SPACA7: variants seen among roughly 807,000 people sequenced by gnomAD.
The protein encoded by SPACA7 is sperm acrosome-associated protein 7.
A neutral mutation model predicts 26.3 loss-of-function variants in SPACA7; 19 were observed. The observed-to-expected ratio is 0.72, with a 90% CI of 0.50 to 1.06. The LOEUF (loss-of-function observed/expected upper bound fraction) is 1.06, where lower values mean the gene tolerates loss of function less well. SPACA7 is among the 50% of genes least tolerant of loss of function. The probability of loss-of-function intolerance (pLI) is 0.00; values close to 1 mark genes in which losing one functional copy is unlikely to be tolerated. For missense variants in SPACA7, 211 were observed against 229.9 expected (o/e 0.92, Z 0.53); for synonymous variants, 84 against 84.5 (o/e 0.99, Z 0.04).
intron 5 of SPACA7, among the ~76,000 whole-genome samples, chr13:112,412,438 T>C (rs1886410697): frequency 6.6e-6 from 1 of 152,210 alleles, no homozygotes; most frequent in Admixed American, 6.5e-5. Flanking sequence ...TCATTAGTTG[T>C]GTAGGAGCTT....
At chr13:112,397,081 A>G (rs1011358651) in intron 2 of SPACA7, among the ~76,000 whole-genome samples, 4 of 152,256 alleles carry the variant, frequency 2.6e-5, no homozygotes, top group Admixed American at 1.3e-4. Flanking sequence ...AAAGAGGGAC[A>G]GCGCGGCTGC....
chr13:112,403,226 G>T (rs2138968951), intron 5 of SPACA7, among the ~76,000 whole-genome samples: 1 of 152,230 alleles, frequency 6.6e-6, no homozygotes, highest in African/African-American at 2.4e-5. Flanking sequence ...TCCCTAGGAA[G>T]TTATCCACTT....
intron 1 of SPACA7, chr13:112,382,404 A>C: frequency 6.5e-7 from 1 of 1,545,414 alleles, no homozygotes; most frequent in South Asian, 1.2e-5. Flanking sequence ...GGCCAATAAC[A>C]CCTTAATCTT....
chr13:112,377,746 C>T (rs1183169139), intron 1 of SPACA7, among the ~76,000 whole-genome samples: 1 of 152,202 alleles, frequency 6.6e-6, no homozygotes, highest in African/African-American at 2.4e-5. Flanking sequence ...CTCATTCCCT[C>T]CTCTTGTTCA....
chr13:112,434,353 G>A lies in SPACA7; in HGVS notation c.524-132G>A, dbSNP rs577552133. On this transcript the variant is annotated intron_variant, in intron 6 of 6. Coordinates refer to ENST00000283550, the MANE Select transcript of SPACA7 (RefSeq NM_145248.5). The stretch of plus-strand genomic sequence containing the variant: ...CGGTCCTCCTGCCCCAGACACATCC[G>A]CAGGGCTCTCCCCTCCCTCCACAAC... The A allele has an allele frequency of 4.4e-5, 33 of 746,272 alleles. No homozygotes were observed. The Middle Eastern group carries it at 8.7e-4, about 20-fold the overall frequency. The allele number at this position is 746,272 out of a possible 1,614,324, so 46.2% of individuals were successfully genotyped here.
chr13:112,400,796 T>A (rs1250501364), intron 4 of SPACA7, among the ~76,000 whole-genome samples: 1 of 152,174 alleles, frequency 6.6e-6, no homozygotes, highest in African/African-American at 2.4e-5. Flanking sequence ...AGCACAGGTA[T>A]TTTCATATTG....
chr13:112,396,971 G>T (rs1885309779), intron 2 of SPACA7, among the ~76,000 whole-genome samples: 1 of 152,184 alleles, frequency 6.6e-6, no homozygotes, highest in Non-Finnish European at 1.5e-5. Flanking sequence ...ATTCCTCGCA[G>T]AGCTGGTAGA....
At chr13:112,376,588 T>TC in intron 1 of SPACA7, 109 bp downstream of exon 1, 1 of 1,194,286 alleles carries the variant, frequency 8.4e-7, no homozygotes, top group Non-Finnish European at 1.2e-6. Flanking sequence ...GAATTTACCA[T>TC]TTATTCCTTG....
chr13:112,413,547 C>T (rs550166715), intron 5 of SPACA7, among the ~76,000 whole-genome samples: 10 of 152,122 alleles, frequency 6.6e-5, no homozygotes, highest in East Asian at 3.9e-4. Flanking sequence ...CTTGATTATT[C>T]GATAAATTGG....
chr13:112,412,713 A>G (rs944629860), intron 5 of SPACA7, among the ~76,000 whole-genome samples: 7 of 152,116 alleles, frequency 4.6e-5, no homozygotes, highest in Non-Finnish European at 8.8e-5. Context: ...AAAGGAGACT[A>G]TCCTTTTTCA....
intron 5 of SPACA7, among the ~76,000 whole-genome samples, chr13:112,403,323 C>T (rs567435867): frequency 6.6e-6 from 1 of 152,086 alleles, no homozygotes; most frequent in African/African-American, 2.4e-5. Context: ...TTGTTATTTC[C>T]CCTTTATGAT....
chr13:112,414,471 C>T (rs532043661), intron 5 of SPACA7, among the ~76,000 whole-genome samples: 13 of 120,738 alleles, frequency 1.1e-4, no homozygotes, highest in East Asian at 2.9e-4. Flanking sequence ...AGTGCAATGG[C>T]GTGATCTCAG....
chr13:112,418,267 T>A (rs1594314321), intron 5 of SPACA7, among the ~76,000 whole-genome samples: 1 of 152,294 alleles, frequency 6.6e-6, no homozygotes, highest in South Asian at 2.1e-4. Context: ...AAGTTACAGA[T>A]CTAATTGCAG....
In SPACA7 at chr13:112,383,457, CTTGA is replaced by C. The variant is rs543430002; in HGVS notation, c.94+6981_94+6984del. Among the ~76,000 whole-genome samples the C allele has an allele frequency of 3.9e-5, 6 of 152,268 alleles. No individual in the cohort carries two copies. The South Asian group carries it at 8.3e-4, about 21-fold the overall frequency. ...TAAACTTTACTCTTATAGTACTTGG[CTTGA>C]TTATTTGCATGAAGTACAACTAGAA... On this transcript the variant is annotated intron_variant, in intron 1 of 6. Coordinates refer to ENST00000283550, the MANE Select transcript of SPACA7 (RefSeq NM_145248.5).
intron 5 of SPACA7, among the ~76,000 whole-genome samples, chr13:112,420,953 C>A (rs1441980342): frequency 6.6e-6 from 1 of 151,988 alleles, no homozygotes; most frequent in Non-Finnish European, 1.5e-5. Context: ...AAAAAATTGC[C>A]ATCCCAGAAT....
Position 112,393,120 on chromosome 13 carries a change from A to G in SPACA7, c.151+43A>G, listed in dbSNP as rs201572507. The G allele has an allele frequency of 7.7e-5, 117 of 1,524,432 alleles. No homozygotes were observed. The East Asian group carries it at 2.5e-3, about 33-fold the overall frequency. 94.4% of individuals were successfully genotyped at this position (1,524,432 alleles called of 1,614,324 possible). On this transcript the variant is annotated intron_variant, in intron 2 of 6. Coordinates refer to ENST00000283550, the MANE Select transcript of SPACA7 (RefSeq NM_145248.5). ...ATCAACCTCTGGCCTGTACGTGAAGAGGGCTGGATGGTTGTCTGTGGCTGT... is the reference window on the plus strand; with the variant it reads ...ATCAACCTCTGGCCTGTACGTGAAGGGGGCTGGATGGTTGTCTGTGGCTGT...
At chr13:112,379,664 C>T (rs956463577) in intron 1 of SPACA7, among the ~76,000 whole-genome samples, 8 of 152,094 alleles carry the variant, frequency 5.3e-5, no homozygotes, top group East Asian at 3.8e-4. Context: ...ATGCTTTTTA[C>T]GAATTTAATG....
chr13:112,415,480 T>G (rs983932432), intron 5 of SPACA7, among the ~76,000 whole-genome samples: 1 of 152,096 alleles, frequency 6.6e-6, no homozygotes. Context: ...TGTCTGGAAG[T>G]AATAGCCTGG....
At position 112,382,638 on chromosome 13, in the gene SPACA7, AT is replaced by A; in HGVS notation, c.94+6160del. On this transcript the variant is annotated intron_variant, in intron 1 of 6. Coordinates refer to ENST00000283550, the MANE Select transcript of SPACA7 (RefSeq NM_145248.5). ...TTAGTACAGTATTTAAGTAAACAGCATACTATAGGTAAATAATGAGTCCTAG... is the reference window on the plus strand; with the variant it reads ...TTAGTACAGTATTTAAGTAAACAGCAACTATAGGTAAATAATGAGTCCTAG... 5 of 1,224,896 alleles carry A rather than the reference AT, an allele frequency of 4.1e-6. No homozygotes were observed. In the South Asian group the frequency reaches 8.7e-5, roughly 21 times the overall value. The allele number at this position is 1,224,896 out of a possible 1,614,324, so 75.9% of individuals were successfully genotyped here. A position where few individuals can be genotyped will look rare whatever the true frequency, so the allele number is the denominator to read the frequency against.
Sources: allele counts gnomAD v4.1 joint callset (sites outside exome capture counted in the v4.1 genomes callset), GRCh38; gene constraint gnomAD v4.1.1; transcripts MANE v1.5; gene names NCBI Gene and HGNC (gene_info 2026-07-23, HGNC 2026-07-21).